Variants in UBE2V2 observed in about 807,000 individuals in gnomAD.
UBE2V2 encodes ubiquitin conjugating enzyme E2 V2, also known as ubiquitin-conjugating enzyme E2 variant 2.
In UBE2V2, 9 loss-of-function variants were observed where a neutral mutation model predicts 17.2. That is an observed-to-expected ratio of 0.52 (90% CI 0.32 to 0.91). The LOEUF (loss-of-function observed/expected upper bound fraction) is 0.91, where lower values mean the gene tolerates loss of function less well. UBE2V2 is among the 40% of genes least tolerant of loss of function. UBE2V2 has a pLI of 0.04. For synonymous variants in UBE2V2, 61 were observed against 57.5 expected (o/e 1.06, Z -0.28); for missense variants, 133 against 182.6 (o/e 0.73, Z 1.56).
chr8:48,052,976 C>T (rs2091548918), intron 3 of UBE2V2, among the ~76,000 whole-genome samples: 1 of 151,856 alleles, frequency 6.6e-6, no homozygotes, highest in South Asian at 2.1e-4. Context: ...GGCATGATCT[C>T]GCTCACTGCA....
At chr8:48,009,037 CAAAAT>C (rs948311276) in intron 1 of UBE2V2, among the ~76,000 whole-genome samples, 4 of 152,138 alleles carry the variant, frequency 2.6e-5, no homozygotes, top group South Asian at 2.1e-4. Flanking sequence ...GCAGTGCAAA[CAAAAT>C]AAAAGACCAG....
chr8:48,048,616 A>G (rs2091515714), intron 2 of UBE2V2, among the ~76,000 whole-genome samples: 1 of 152,214 alleles, frequency 6.6e-6, no homozygotes, highest in South Asian at 2.1e-4. Flanking sequence ...TTAATCTCAG[A>G]TGAGTTTTAT....
chr8:48,026,427 T>G (rs886835454), intron 1 of UBE2V2, among the ~76,000 whole-genome samples: 6 of 152,234 alleles, frequency 3.9e-5, no homozygotes, highest in African/African-American at 1.4e-4. Context: ...AAGACAACTT[T>G]ACTGAGATAT....
chr8:48,040,933 C>T (rs1437983109), intron 1 of UBE2V2, among the ~76,000 whole-genome samples: 6 of 137,160 alleles, frequency 4.4e-5, no homozygotes, highest in Non-Finnish European at 6.1e-5. Flanking sequence ...GGTGCGATCT[C>T]GGCTCACTGC....
chr8:48,036,075 C>T (rs1214181573), intron 1 of UBE2V2, among the ~76,000 whole-genome samples: 1 of 151,270 alleles, frequency 6.6e-6, no homozygotes, highest in African/African-American at 2.4e-5. Context: ...CCATGTTAGC[C>T]TCCGGAGCAG....
rs1231303977 is a variant in UBE2V2, at chr8:48,063,171, A to G, written c.*2343A>G. The G allele has an allele frequency of 6.6e-6, 1 of 152,140 alleles. No individual in the cohort carries two copies. The highest frequency in any genetic ancestry group is 1.5e-5 in the Non-Finnish European group (1 of 68,058). The allele number at this position is 152,140 out of a possible 1,614,324, so 9.4% of individuals were successfully genotyped here. ...CCTGCCGCCTTCCCCTGCCAAGTAC[A>G]TGTTGTCAGAGTCAGCCCTATAATG... On this transcript the variant is annotated 3_prime_UTR_variant, in exon 4 of 4. Transcript: ENST00000523111.
intron 1 of UBE2V2, among the ~76,000 whole-genome samples, chr8:48,016,781 C>CTT (rs554494819): frequency 5.4e-5 from 7 of 128,454 alleles, no homozygotes; most frequent in Admixed American, 3.2e-4. Flanking sequence ...CGTGCCCAGC[C>CTT]TTTTTTTTTT....
intron 3 of UBE2V2, 132 bp from the exon 4 acceptor site, chr8:48,060,550 A>G: frequency 1.4e-6 from 1 of 709,604 alleles, no homozygotes; most frequent in South Asian, 6.2e-5. Context: ...TAGTAATTCC[A>G]TAGTGTATGT....
chr8:48,033,576 T>TGAGTA (rs991675406), intron 1 of UBE2V2, among the ~76,000 whole-genome samples: 47 of 152,280 alleles, frequency 3.1e-4, no homozygotes, highest in African/African-American at 1.1e-3. Flanking sequence ...GTTACTATAG[T>TGAGTA]GAGTCAAATT....
intron 2 of UBE2V2, among the ~76,000 whole-genome samples, chr8:48,044,304 A>G (rs1170838432): frequency 6.6e-6 from 1 of 152,020 alleles, no homozygotes; most frequent in Non-Finnish European, 1.5e-5. Context: ...GTGCACCACC[A>G]CTGCTGGCTA....
At chr8:48,017,731 A>G in intron 1 of UBE2V2, among the ~76,000 whole-genome samples, 1 of 151,690 alleles carries the variant, frequency 6.6e-6, no homozygotes, top group East Asian at 1.9e-4. Context: ...TGTGATCCAA[A>G]TTGTCTGTTT....
intron 1 of UBE2V2, among the ~76,000 whole-genome samples, chr8:48,032,210 T>TA (rs2091388183): frequency 6.6e-6 from 1 of 152,228 alleles, no homozygotes; most frequent in Non-Finnish European, 1.5e-5. Context: ...GTTAACTGAA[T>TA]ACTAAGCAAT....
rs759062301 is a variant in UBE2V2, at chr8:48,043,147, C to G, written c.131C>G (p.Thr44Arg). The change falls in exon 2 of 4, where the codon ACA becomes AGA. Residue 44 changes from threonine to arginine, a missense_variant. Transcript: ENST00000523111. ...GAAGATGATGAAGATATGACACTTACAAGGTGGACAGGCATGATTATTGGG... is the reference window on the plus strand; with the variant it reads ...GAAGATGATGAAGATATGACACTTAGAAGGTGGACAGGCATGATTATTGGG... ...GLEDDEDMTL[T>R]RWTGMIIGPP... 1 of 1,582,130 alleles carries G rather than the reference C, an allele frequency of 6.3e-7. No homozygotes were observed. The highest frequency in any genetic ancestry group is 8.6e-7 in the Non-Finnish European group (1 of 1,161,560).
At chr8:48,043,383 G>A (rs895719017) in intron 2 of UBE2V2, 13 of 392,148 alleles carry the variant, frequency 3.3e-5, no homozygotes, top group Non-Finnish European at 5.6e-5. Context: ...AGGTTGATAT[G>A]GTCATTGCCA....
intron 1 of UBE2V2, among the ~76,000 whole-genome samples, chr8:48,035,738 G>A (rs1306649333): frequency 1.1e-4 from 9 of 83,332 alleles, no homozygotes; most frequent in African/African-American, 3.8e-4. Flanking sequence ...CCTCAGCCTC[G>A]CAGGAGCTGG....
At chr8:48,008,333 G>C (rs866878906), upstream of UBE2V2, 4 of 1,328,588 alleles carry the variant, frequency 3.0e-6, no homozygotes, top group Admixed American at 4.1e-5. Flanking sequence ...CTGTCCCTCG[G>C]GTCGCCCCGC....
chr8:48,050,130 G>C (rs2091526160), intron 3 of UBE2V2, 152 bp downstream of exon 3: 1 of 506,622 alleles, frequency 2.0e-6, no homozygotes, highest in African/African-American at 2.0e-5. Context: ...GTCTAAAGAA[G>C]GTTGCATTAT....
intron 1 of UBE2V2, among the ~76,000 whole-genome samples, chr8:48,012,264 TC>T (rs2091237996): frequency 6.6e-6 from 1 of 152,202 alleles, no homozygotes; most frequent in Admixed American, 6.5e-5. Flanking sequence ...AGCTAGGTTC[TC>T]CTTTTCCAAG....
intron 3 of UBE2V2, among the ~76,000 whole-genome samples, chr8:48,053,812 T>G (rs1220678168): frequency 6.6e-6 from 1 of 151,602 alleles, no homozygotes; most frequent in African/African-American, 2.4e-5. Flanking sequence ...TTCCTGTTTT[T>G]TTTTTTTTTG....
Sources: gnomAD v4.1 joint callset for allele counts (sites outside exome capture counted in the v4.1 genomes callset) on GRCh38, gnomAD v4.1.1 for gene constraint, MANE v1.5 for transcripts, NCBI Gene and HGNC (gene_info 2026-07-23, HGNC 2026-07-21) for gene names.